The following GALT variants were observed in gnomAD, a reference collection of about 807,000 sequenced individuals.
GALT encodes the protein UDP-glucose--hexose-1-phosphate uridylyltransferase.
In GALT, 42 loss-of-function variants were observed where a neutral mutation model predicts 55.4. That is an observed-to-expected ratio of 0.76 (90% confidence interval 0.59 to 0.98). The LOEUF (loss-of-function observed/expected upper bound fraction) is 0.98, where lower values mean the gene tolerates loss of function less well. Among genes scored for constraint, GALT ranks in the 50% least tolerant of loss-of-function variants. GALT has a pLI of 0.00. For synonymous variants in GALT, 154 were observed against 181.5 expected (o/e 0.85, Z 1.22); for missense variants, 407 against 495.7 (o/e 0.82, Z 1.70).
chr9:34,646,932 G>A lies in GALT; in HGVS notation c.82+146G>A, dbSNP rs1821116868. ...AGTCTGCAGGCCTGTACGAGCAGCA[G>A]GCCAATTGGCGCTGGGAAAGTCCAA... On this transcript the variant is annotated intron_variant, in intron 1 of 10. Coordinates refer to ENST00000378842, the MANE Select transcript of GALT (RefSeq NM_000155.4). 12 of 1,605,750 alleles carry A rather than the reference G, an allele frequency of 7.5e-6. No individual in the cohort carries two copies. In the South Asian group the frequency reaches 1.2e-4, roughly 16 times the overall value.
At chr9:34,650,017 A>G (rs1217433152) in intron 10 of GALT, 1 of 330,612 alleles carries the variant, frequency 3.0e-6, no homozygotes, top group East Asian at 6.5e-5. Flanking sequence ...GTGGTGGCTC[A>G]TGCCTTAATC....
At chr9:34,646,807 A>G in intron 1 of GALT, 21 bp downstream of exon 1, 1 of 1,613,056 alleles carries the variant, frequency 6.2e-7, no homozygotes, top group Admixed American at 1.7e-5. Flanking sequence ...CGCGGCAGGG[A>G]CTCGCTGGGG....
In GALT at chr9:34,647,633, G is replaced by A. The variant is rs114539202; in HGVS notation, c.329-24G>A. Reference sequence around the variant, plus strand: ...GACCTCTTGAGGGACTTCTGCTGCAGAGAGTGATACTCCTTTACCTCAGGA... The same window carrying A: ...GACCTCTTGAGGGACTTCTGCTGCAAAGAGTGATACTCCTTTACCTCAGGA... On this transcript the variant is annotated intron_variant, in intron 3 of 10. Coordinates refer to ENST00000378842, the MANE Select transcript of GALT (RefSeq NM_000155.4). The surrounding 1 kb of genome is among the most constrained non-coding windows in gnomAD (Gnocchi z 5.6). The A allele has an allele frequency of 3.4e-4, 550 of 1,614,164 alleles. No homozygotes were observed. The African/African-American group carries it at 6.1e-3, about 18-fold the overall frequency.
rs1821143091 is a variant in GALT, at chr9:34,647,754, T to A, written c.377+49T>A. 1.2e-6 allele frequency: 2 copies of A among 1,613,926 alleles called. No homozygotes were observed. Among genetic ancestry groups the A allele is most frequent in the South Asian group, 2.2e-5 (2 of 91,082 alleles). On this transcript the variant is annotated intron_variant, in intron 4 of 10. Coordinates refer to ENST00000378842, the MANE Select transcript of GALT (RefSeq NM_000155.4). This position sits in a 1 kb window ranked among gnomAD's most constrained non-coding sequence, Gnocchi z 5.6. ...CAACTTTCAAACCAGAGTTGGAGACTCAGCATTGGGGTTCGGCCCTGCCCG... is the reference window on the plus strand; with the variant it reads ...CAACTTTCAAACCAGAGTTGGAGACACAGCATTGGGGTTCGGCCCTGCCCG...
At position 34,650,449 on chromosome 9, in the gene GALT, A is replaced by C. The variant is rs111033827; in HGVS notation, c.1140A>C (p.Ter380CysextTer49). 5 of 1,613,874 alleles carry C rather than the reference A, an allele frequency of 3.1e-6. No homozygotes were observed. Among genetic ancestry groups the C allele is most frequent in the Non-Finnish European group, 4.2e-6 (5 of 1,179,836 alleles). Reference protein sequence around the residue: ...QKDRETATIA* With the variant: ...QKDRETATIAC ...ACAGGGAGACAGCAACCATCGCCTG[A>C]CCACGCCGACCACAGGGCCTTGAAT... Residue 380 changes from the stop codon to cysteine, a stop_lost, in exon 11 of 11, where the codon TGA (stop) becomes TGC (cysteine). Transcript: ENST00000378842.
At chr9:34,650,099 G>C (rs547531294) in intron 10 of GALT, 1 of 441,356 alleles carries the variant, frequency 2.3e-6, no homozygotes, top group East Asian at 4.2e-5. Context: ...GGGAAACATA[G>C]GAAGCCCTCG....
In GALT at chr9:34,647,612, T is replaced by C; in HGVS notation, c.328+45T>C. 1.2e-6 allele frequency: 2 copies of C among 1,614,072 alleles called. No individual in the cohort carries two copies. Among genetic ancestry groups the C allele is most frequent in the Non-Finnish European group, 1.7e-6 (2 of 1,179,964 alleles). Reference sequence around the variant, plus strand: ...TGCTGGGGAGGAGGGTGGCTAGACCTCTTGAGGGACTTCTGCTGCAGAGAG... The same window carrying C: ...TGCTGGGGAGGAGGGTGGCTAGACCCCTTGAGGGACTTCTGCTGCAGAGAG... On this transcript the variant is annotated intron_variant, in intron 3 of 10. Coordinates refer to ENST00000378842, the MANE Select transcript of GALT (RefSeq NM_000155.4). The surrounding 1 kb of genome is among the most constrained non-coding windows in gnomAD (Gnocchi z 5.6).
At position 34,650,463 on chromosome 9, in the gene GALT, AG is replaced by A; in HGVS notation, c.*17del. On this transcript the variant is annotated 3_prime_UTR_variant, in exon 11 of 11. Transcript: ENST00000378842. Reference sequence around the variant, plus strand: ...ACCATCGCCTGACCACGCCGACCACAGGGCCTTGAATCCTTTTTTGTTTTCA... The same window carrying A: ...ACCATCGCCTGACCACGCCGACCACAGGCCTTGAATCCTTTTTTGTTTTCA... 1 of 1,612,678 alleles carries A rather than the reference AG, an allele frequency of 6.2e-7. No individual in the cohort carries two copies.
rs753054748 is a variant in GALT at position 34,650,408 on chromosome 9, C to T, written c.1099C>T (p.His367Tyr). ...RLRALPEVHY[H>Y]LGQKDRETAT... ...AAGGGCACTTCCTGAGGTTCATTAC[C>T]ACCTGGGGCAGAAGGACAGGGAGAC... Residue 367 changes from histidine to tyrosine, a missense_variant, in exon 11 of 11, where the codon CAC (histidine) becomes TAC (tyrosine). Physicochemically the swap from His to Tyr is moderately conservative, Grantham distance 83. Coordinates refer to ENST00000378842, the MANE Select transcript of GALT (RefSeq NM_000155.4). 6.2e-7 allele frequency: 1 copy of T among 1,614,016 alleles called. No homozygotes were observed. Among genetic ancestry groups the T allele is most frequent in the Admixed American group, 1.7e-5 (1 of 59,986 alleles).
In GALT at chr9:34,649,499, G is replaced by C; in HGVS notation, c.994G>C (p.Val332Leu). Residue 332 changes from valine to leucine, a missense_variant, in exon 10 of 11, where the codon GTC (valine) becomes CTC (leucine). By Grantham distance (32) the Val-to-Leu change is conservative (BLOSUM62 1). Coordinates refer to ENST00000378842, the MANE Select transcript of GALT (RefSeq NM_000155.4). ...CCCTCCGCTCCTGCGCTCTGCCACTGTCCGGAAATTCATGGTTGGCTACGA... is the reference window on the plus strand; with the variant it reads ...CCCTCCGCTCCTGCGCTCTGCCACTCTCCGGAAATTCATGGTTGGCTACGA... ...YYPPLLRSAT[V>L]RKFMVGYEML... The C allele has an allele frequency of 6.2e-7, 1 of 1,614,188 alleles. No individual in the cohort carries two copies. Among genetic ancestry groups the C allele is most frequent in the Admixed American group, 1.7e-5 (1 of 60,022 alleles).
At position 34,649,017 on chromosome 9, in the gene GALT, G is replaced by A. The variant is rs1408275054; in HGVS notation, c.840G>A (p.Lys280=). Residue 280 remains lysine, a synonymous_variant, in exon 9 of 11, where the codon AAG becomes AAA. Transcript: ENST00000378842. ...TTCCAGATCTAGCCTCCATCATGAA[G>A]AAGCTCTTGACCAAGTATGACAACC... ...AERDDLASIM[K]KLLTKYDNLF... The A allele has an allele frequency of 1.4e-5, 22 of 1,614,188 alleles. No individual in the cohort carries two copies. Among genetic ancestry groups the A allele is most frequent in the Non-Finnish European group, 1.8e-5 (21 of 1,180,034 alleles).
At chr9:34,649,190 G>A in intron 9 of GALT, 109 bp downstream of exon 9, 3 of 1,312,932 alleles carry the variant, frequency 2.3e-6, no homozygotes, top group East Asian at 2.3e-5. Context: ...ACAGTTGCTG[G>A]GGGAAGTGGC....
rs111033776 is a variant in GALT at position 34,648,952 on chromosome 9, G to T, written c.821-46G>T. 4.3e-5 allele frequency: 69 copies of T among 1,613,764 alleles called. No individual in the cohort carries two copies. Among genetic ancestry groups the T allele is most frequent in the Non-Finnish European group, 5.4e-5 (64 of 1,179,922 alleles). On this transcript the variant is annotated intron_variant, in intron 8 of 10. Transcript: ENST00000378842. This position sits in a 1 kb window ranked among gnomAD's most constrained non-coding sequence, Gnocchi z 4.9. ...CACTGGATGGAGGTTGCTCCCAGTAGGGTCAGCATCTGGACCCCAGGCTGA... is the reference window on the plus strand; with the variant it reads ...CACTGGATGGAGGTTGCTCCCAGTATGGTCAGCATCTGGACCCCAGGCTGA...
rs907699048 is a variant in GALT, at chr9:34,650,695, T to C, written c.*246T>C. The C allele has an allele frequency of 1.1e-5, 6 of 525,518 alleles. No homozygotes were observed. Among genetic ancestry groups the C allele is most frequent in the African/African-American group, 7.6e-5 (4 of 52,492 alleles). 32.6% of individuals were successfully genotyped at this position (525,518 alleles called of 1,614,324 possible). On this transcript the variant is annotated 3_prime_UTR_variant, in exon 11 of 11. Transcript: ENST00000378842. ...TGTCTACAGATGTGTAAAATCTTGA[T>C]GCAAAAATCTACCCCAAATTTCTGA...
chr9:34,647,506 C>T lies in GALT; in HGVS notation c.267C>T (p.Tyr89=), dbSNP rs145628307. The T allele has an allele frequency of 1.6e-5, 26 of 1,614,134 alleles. No individual in the cohort carries two copies. The highest frequency in any genetic ancestry group is 1.1e-4 in the African/African-American group (8 of 75,032). The change falls in exon 3 of 11, where the codon TAC becomes TAT. Residue 89 remains tyrosine, a synonymous_variant. Coordinates refer to ENST00000378842, the MANE Select transcript of GALT (RefSeq NM_000155.4). The surrounding 1 kb of genome is among the most constrained non-coding windows in gnomAD (Gnocchi z 5.6). ...CTTGTCGGTAGGTGAATCCCCAGTA[C>T]GATAGCACCTTCCTGTTTGACAACG... ...IRANGEVNPQ[Y]DSTFLFDNDF...
rs763232067 is a variant in GALT, at chr9:34,650,498, G to A, written c.*49G>A. On this transcript the variant is annotated 3_prime_UTR_variant, in exon 11 of 11. Coordinates refer to ENST00000378842, the MANE Select transcript of GALT (RefSeq NM_000155.4). ...ATCCTTTTTTGTTTTCAACAGTCTT[G>A]CTGAATTAAGCAGAAAGGGCCTTGA... 1 of 1,547,764 alleles carries A rather than the reference G, an allele frequency of 6.5e-7. No homozygotes were observed. Among genetic ancestry groups the A allele is most frequent in the Admixed American group, 1.7e-5 (1 of 59,810 alleles).
chr9:34,650,748 A>G lies in GALT; in HGVS notation c.*299A>G, dbSNP rs1821235534. ...AAAATTAATATTCAGTATTATATCTAGCCTATAGATTCTCTTACTCTTGGT... is the reference window on the plus strand; with the variant it reads ...AAAATTAATATTCAGTATTATATCTGGCCTATAGATTCTCTTACTCTTGGT... On this transcript the variant is annotated 3_prime_UTR_variant, in exon 11 of 11. Coordinates refer to ENST00000378842, the MANE Select transcript of GALT (RefSeq NM_000155.4). The G allele has an allele frequency of 2.7e-6, 1 of 369,984 alleles. No homozygotes were observed. The highest frequency in any genetic ancestry group is 5.5e-5 in the East Asian group (1 of 18,120). The allele number at this position is 369,984 out of a possible 1,614,324, so 22.9% of individuals were successfully genotyped here. A position where few individuals can be genotyped will look rare whatever the true frequency, so the allele number is the denominator to read the frequency against.
Position 34,648,908 on chromosome 9 carries a change from G to C in GALT, c.820+14G>C, listed in dbSNP as rs754479698. 5 of 1,613,626 alleles carry C rather than the reference G, an allele frequency of 3.1e-6. No individual in the cohort carries two copies. The highest frequency in any genetic ancestry group is 4.2e-6 in the Non-Finnish European group (5 of 1,180,024). ...CTGAGCGTGATGGTCAGTCTCCCAA[G>C]TAGGATCCTGGGGCTAGGCACTGGA... On this transcript the variant is annotated intron_variant, in intron 8 of 10. Coordinates refer to ENST00000378842, the MANE Select transcript of GALT (RefSeq NM_000155.4). This position sits in a 1 kb window ranked among gnomAD's most constrained non-coding sequence, Gnocchi z 4.9.
Position 34,650,471 on chromosome 9 carries a change from G to A in GALT, c.*22G>A, listed in dbSNP as rs760101884. On this transcript the variant is annotated 3_prime_UTR_variant, in exon 11 of 11. Coordinates refer to ENST00000378842, the MANE Select transcript of GALT (RefSeq NM_000155.4). Reference sequence around the variant, plus strand: ...CTGACCACGCCGACCACAGGGCCTTGAATCCTTTTTTGTTTTCAACAGTCT... The same window carrying A: ...CTGACCACGCCGACCACAGGGCCTTAAATCCTTTTTTGTTTTCAACAGTCT... The A allele has an allele frequency of 1.3e-5, 21 of 1,611,374 alleles. No individual in the cohort carries two copies. The African/African-American group carries it at 2.7e-4, about 20-fold the overall frequency.
Sources: gnomAD v4.1 joint callset for allele counts on GRCh38, gnomAD v4.1.1 for gene constraint, Gnocchi (gnomAD v3.1) non-coding constraint, MANE v1.5 for transcripts, NCBI Gene and HGNC (gene_info 2026-07-23, HGNC 2026-07-21) for gene names.